The following BABAM2 variants were observed in gnomAD, a reference collection of about 807,000 sequenced individuals.
BABAM2 encodes BRISC and BRCA1 A complex member 2.
Under a neutral mutation model 54.7 loss-of-function variants are expected in BABAM2, and 31 were observed. The ratio of observed to expected loss-of-function variants is 0.57; its 90% CI spans 0.43 to 0.77. The LOEUF (loss-of-function observed/expected upper bound fraction) is 0.77. Ranked by LOEUF, BABAM2 falls within the 30% of genes least tolerant of loss-of-function variation. The pLI, the probability that BABAM2 is intolerant of heterozygous loss-of-function variation, is 0.00. For missense variants in BABAM2, 364 were observed against 455.8 expected, an observed-to-expected ratio of 0.80 and a Z score of 1.83; for synonymous variants, 167 against 162.9, an observed-to-expected ratio of 1.03 and a Z score of -0.19.
At chr2:27,912,525 G>A (rs1666677451) in intron 2 of BABAM2, among the ~76,000 whole-genome samples, 1 of 152,104 alleles carries the variant, frequency 6.6e-6, no homozygotes, top group Admixed American at 6.6e-5. Flanking sequence ...AGTCAGAAAA[G>A]GATTCTGAGA....
At chr2:28,034,318 G>GAT (rs1676507084) in intron 5 of BABAM2, among the ~76,000 whole-genome samples, 1 of 152,188 alleles carries the variant, frequency 6.6e-6, no homozygotes, top group Admixed American at 6.5e-5. Context: ...CTTTCCTGGA[G>GAT]ATAACTACAT....
intron 7 of BABAM2, among the ~76,000 whole-genome samples, chr2:28,225,141 C>A (rs1343811056): frequency 6.6e-6 from 1 of 152,224 alleles, no homozygotes; most frequent in Non-Finnish European, 1.5e-5. Flanking sequence ...CTGAGCCCTG[C>A]TCTCAGCTGG....
chr2:28,170,352 C>A (rs1558402617), intron 7 of BABAM2, among the ~76,000 whole-genome samples: 1 of 151,860 alleles, frequency 6.6e-6, no homozygotes, highest in East Asian at 1.9e-4. Context: ...GCTTTGTCTA[C>A]TTTTCAAGTT....
In BABAM2 at chr2:28,184,286, C is replaced by CT. The variant is rs1558415646; in HGVS notation, c.681-52916_681-52915insT. ...TCCCTCTCTCTCTCTCTCTCTCTCT[C>CT]CCCCCCTCCCTCTCTCCCTCTCTCT... On this transcript the variant is annotated intron_variant, in intron 7 of 11. Coordinates refer to ENST00000379624, the MANE Select transcript of BABAM2 (RefSeq NM_199191.3). Among the ~76,000 whole-genome samples the CT allele has an allele frequency of 5.4e-3, 375 of 69,610 alleles. 7 individuals carry two copies. The highest frequency in any genetic ancestry group is 0.014 in the African/African-American group (337 of 24,134). 45.7% of individuals were successfully genotyped at this position (69,610 alleles called of 152,430 possible). A position where few individuals can be genotyped will look rare whatever the true frequency, so the allele number is the denominator to read the frequency against.
intron 10 of BABAM2, among the ~76,000 whole-genome samples, chr2:28,283,672 G>C (rs2148201605): frequency 6.6e-6 from 1 of 152,320 alleles, no homozygotes; most frequent in Admixed American, 6.5e-5. Flanking sequence ...CTGGGCCCAG[G>C]AGGTAGGTGT....
intron 4 of BABAM2, among the ~76,000 whole-genome samples, chr2:28,001,419 C>T (rs1020876243): frequency 2.0e-5 from 3 of 152,162 alleles, no homozygotes; most frequent in Non-Finnish European, 4.4e-5. Context: ...TTCTTCAATA[C>T]CTGTTTATTG....
At chr2:28,190,303 G>A (rs935434346) in intron 7 of BABAM2, among the ~76,000 whole-genome samples, 1 of 152,116 alleles carries the variant, frequency 6.6e-6, no homozygotes, top group Non-Finnish European at 1.5e-5. Flanking sequence ...TCAAGCACCG[G>A]CAGATTGAGT....
At chr2:28,279,641 A>C (rs918146631) in intron 10 of BABAM2, among the ~76,000 whole-genome samples, 1 of 149,252 alleles carries the variant, frequency 6.7e-6, no homozygotes, top group African/African-American at 2.5e-5. Context: ...GGGTTAGTGC[A>C]GACAGGGCAG....
chr2:28,149,983 A>G (rs777475507), intron 7 of BABAM2, among the ~76,000 whole-genome samples: 3 of 152,204 alleles, frequency 2.0e-5, no homozygotes, highest in Admixed American at 6.5e-5. Flanking sequence ...TCAGAAGTAT[A>G]TATTATCTTC....
At chr2:28,040,291 A>ATTC (rs1558679313) in intron 5 of BABAM2, among the ~76,000 whole-genome samples, 1 of 97,242 alleles carries the variant, frequency 1.0e-5, no homozygotes, top group African/African-American at 3.7e-5. Context: ...GAAAAACTGA[A>ATTC]TTCTTTTTTT....
intron 3 of BABAM2, among the ~76,000 whole-genome samples, chr2:27,978,832 C>G (rs1032395946): frequency 1.3e-5 from 2 of 152,040 alleles, no homozygotes; most frequent in Non-Finnish European, 2.9e-5. Context: ...CTATTATTCC[C>G]CTCTTTGTGT....
intron 4 of BABAM2, among the ~76,000 whole-genome samples, chr2:28,001,024 C>T (rs1326884517): frequency 6.6e-6 from 1 of 152,140 alleles, no homozygotes; most frequent in African/African-American, 2.4e-5. Context: ...GGAGAAAGGT[C>T]TTAGAAACCA....
chr2:28,326,237 G>A (rs373383043), intron 11 of BABAM2, among the ~76,000 whole-genome samples: 3 of 152,162 alleles, frequency 2.0e-5, no homozygotes, highest in Non-Finnish European at 1.5e-5. Flanking sequence ...GGTGAGCTGC[G>A]TGAGTAGCCC....
intron 3 of BABAM2, among the ~76,000 whole-genome samples, chr2:27,982,239 G>T (rs1259706233): frequency 1.3e-5 from 2 of 151,926 alleles, no homozygotes; most frequent in Non-Finnish European, 2.9e-5. Flanking sequence ...AGATTTCTTT[G>T]TTCTGGGTAC....
At chr2:28,258,006 A>G (rs781218836) in intron 10 of BABAM2, among the ~76,000 whole-genome samples, 3 of 152,122 alleles carry the variant, frequency 2.0e-5, no homozygotes, top group African/African-American at 4.8e-5. Context: ...GTGAAACCCC[A>G]TCTCTACTAA....
Position 27,998,853 on chromosome 2 carries a change from A to G in BABAM2, c.300+10766A>G, listed in dbSNP as rs1362541112. ...TCTTAAGAAAGTAAGGGAGAAAGGAAGGTTTTAGTAACATCAAAATTGTTT... is the reference window on the plus strand; with the variant it reads ...TCTTAAGAAAGTAAGGGAGAAAGGAGGGTTTTAGTAACATCAAAATTGTTT... On this transcript the variant is annotated intron_variant, in intron 4 of 11. Coordinates refer to ENST00000379624, the MANE Select transcript of BABAM2 (RefSeq NM_199191.3). 3.9e-5 allele frequency among the ~76,000 whole-genome samples: 6 copies of G among 152,230 alleles called. 1 individual carries two copies. The highest frequency in any genetic ancestry group is 7.2e-5 in the African/African-American group (3 of 41,464).
chr2:28,153,860 G>A (rs1672288239), intron 7 of BABAM2, among the ~76,000 whole-genome samples: 1 of 152,184 alleles, frequency 6.6e-6, no homozygotes, highest in South Asian at 2.1e-4. Flanking sequence ...TTTTCTCCGG[G>A]ACATGCACGA....
At chr2:28,222,995 A>C (rs1198174621) in intron 7 of BABAM2, among the ~76,000 whole-genome samples, 1 of 152,186 alleles carries the variant, frequency 6.6e-6, no homozygotes, top group Non-Finnish European at 1.5e-5. Flanking sequence ...CATCTATTTT[A>C]GAGAATTGGC....
At chr2:28,001,055 C>T (rs1159048758) in intron 4 of BABAM2, among the ~76,000 whole-genome samples, 2 of 152,124 alleles carry the variant, frequency 1.3e-5, no homozygotes, top group African/African-American at 4.8e-5. Flanking sequence ...GCCAGATGTG[C>T]TTGTTGCTAC....
Sources: allele counts gnomAD v4.1 joint callset (sites outside exome capture counted in the v4.1 genomes callset), GRCh38; gene constraint gnomAD v4.1.1; transcripts MANE v1.5; gene names NCBI Gene and HGNC (gene_info 2026-07-23, HGNC 2026-07-21).